The following AGTPBP1 variants were observed in gnomAD, a reference collection of about 807,000 sequenced individuals.
The protein encoded by AGTPBP1 is cytosolic carboxypeptidase 1.
Under a neutral mutation model 143.9 loss-of-function variants are expected in AGTPBP1, and 70 were observed. The ratio of observed to expected loss-of-function variants is 0.49; its 90% confidence interval spans 0.40 to 0.59. AGTPBP1 has a LOEUF of 0.59. AGTPBP1 is among the 20% of genes least tolerant of loss of function. The pLI is 0.00. For missense variants in AGTPBP1, 1,229 were observed against 1,464.5 expected, an observed-to-expected ratio of 0.84 and a Z score of 2.62; for synonymous variants, 463 against 500.2, an observed-to-expected ratio of 0.93 and a Z score of 0.99.
intron 8 of AGTPBP1, among the ~76,000 whole-genome samples, chr9:85,668,821 A>T (rs990692441): frequency 1.3e-5 from 2 of 151,590 alleles, no homozygotes; most frequent in African/African-American, 4.8e-5. Context: ...TGTATGTTTT[A>T]AAAATTCCAC....
chr9:85,664,849 G>A (rs573125442), intron 8 of AGTPBP1, among the ~76,000 whole-genome samples: 13 of 152,104 alleles, frequency 8.5e-5, no homozygotes, highest in Non-Finnish European at 1.9e-4. Context: ...ACCATTCAAT[G>A]CAATATGTTT....
intron 23 of AGTPBP1, among the ~76,000 whole-genome samples, chr9:85,583,030 C>T (rs967088192): frequency 1.3e-5 from 2 of 151,898 alleles, no homozygotes; most frequent in Non-Finnish European, 2.9e-5. Context: ...GGGAAGGCAG[C>T]GGAAGGAGAG....
chr9:85,699,098 AAC>A (rs1209659363), intron 2 of AGTPBP1, among the ~76,000 whole-genome samples: 5 of 152,294 alleles, frequency 3.3e-5, no homozygotes, highest in African/African-American at 1.2e-4. Flanking sequence ...ATCAATGTGT[AAC>A]ACATCAAATC....
At chr9:85,716,965 G>C (rs1837745483) in intron 1 of AGTPBP1, among the ~76,000 whole-genome samples, 1 of 152,140 alleles carries the variant, frequency 6.6e-6, no homozygotes, top group African/African-American at 2.4e-5. Flanking sequence ...AACATGCCAG[G>C]CTCTCACTTT....
intron 3 of AGTPBP1, among the ~76,000 whole-genome samples, chr9:85,690,559 A>AGG (rs1835797350): frequency 6.6e-6 from 1 of 150,866 alleles, no homozygotes; most frequent in East Asian, 2.0e-4. Context: ...TGGTGGAAAG[A>AGG]GGGTCATTCT....
At chr9:85,721,798 G>A (rs547818584) in intron 1 of AGTPBP1, among the ~76,000 whole-genome samples, 145 of 152,316 alleles carry the variant, frequency 9.5e-4, no homozygotes, top group African/African-American at 3.3e-3. Flanking sequence ...TGTTTTTGCA[G>A]TGGCTGGTAC....
intron 14 of AGTPBP1, among the ~76,000 whole-genome samples, chr9:85,631,326 C>T (rs1446680784): frequency 6.6e-6 from 1 of 152,242 alleles, no homozygotes; most frequent in Non-Finnish European, 1.5e-5. Context: ...ATTCTTTCTA[C>T]AGAATTATGG....
At chr9:85,667,768 A>G (rs1266266053) in intron 8 of AGTPBP1, among the ~76,000 whole-genome samples, 1 of 152,164 alleles carries the variant, frequency 6.6e-6, no homozygotes, top group African/African-American at 2.4e-5. Context: ...TAAAAGACCT[A>G]TCACTGAAGA....
intron 6 of AGTPBP1, among the ~76,000 whole-genome samples, chr9:85,674,981 C>T (rs1003065301): frequency 3.3e-5 from 5 of 152,056 alleles, no homozygotes; most frequent in Admixed American, 2.0e-4. Flanking sequence ...ACTGCAACCT[C>T]CACCACCCAG....
intron 25 of AGTPBP1, among the ~76,000 whole-genome samples, chr9:85,564,701 T>C (rs2132895280): frequency 6.6e-6 from 1 of 152,352 alleles, no homozygotes; most frequent in South Asian, 2.1e-4. Flanking sequence ...TAATGGGCTA[T>C]ACCATCTAGG....
chr9:85,703,331 T>C (rs1836790989), intron 2 of AGTPBP1, among the ~76,000 whole-genome samples: 1 of 152,186 alleles, frequency 6.6e-6, no homozygotes, highest in Non-Finnish European at 1.5e-5. Flanking sequence ...CTGGCTCTTG[T>C]GAAGTGAATG....
chr9:85,719,829 C>T (rs1414009023), intron 1 of AGTPBP1, among the ~76,000 whole-genome samples: 15 of 152,178 alleles, frequency 9.9e-5, no homozygotes, highest in Admixed American at 6.5e-5. Context: ...TTTTGAGATA[C>T]ATTCCATCAA....
intron 3 of AGTPBP1, among the ~76,000 whole-genome samples, chr9:85,683,100 T>C (rs538825561): frequency 6.6e-6 from 1 of 152,322 alleles, no homozygotes; most frequent in South Asian, 2.1e-4. Flanking sequence ...CCGTAAGTGA[T>C]ATGAAGACCT....
At chr9:85,641,869 T>C (rs569742296) in intron 13 of AGTPBP1, among the ~76,000 whole-genome samples, 1 of 152,094 alleles carries the variant, frequency 6.6e-6, no homozygotes, top group East Asian at 1.9e-4. Context: ...CGGCTAATTT[T>C]CTTATTTTTA....
At chr9:85,628,660 A>T (rs1471457565) in intron 14 of AGTPBP1, among the ~76,000 whole-genome samples, 2 of 152,128 alleles carry the variant, frequency 1.3e-5, no homozygotes, top group Non-Finnish European at 2.9e-5. Flanking sequence ...TCTCATCGCA[A>T]ATTTTCTAGG....
chr9:85,696,755 C>T (rs115933376), intron 2 of AGTPBP1, among the ~76,000 whole-genome samples: 2,573 of 152,042 alleles, frequency 0.017, 37 homozygotes, highest in Middle Eastern at 0.038. Context: ...CATGGTGTTA[C>T]AAAATCAGAT....
chr9:85,584,190 G>A (rs145452535), intron 23 of AGTPBP1, among the ~76,000 whole-genome samples: 1 of 151,910 alleles, frequency 6.6e-6, no homozygotes, highest in Non-Finnish European at 1.5e-5. Context: ...ATATCACTGA[G>A]CTCTACTAAT....
intron 17 of AGTPBP1, among the ~76,000 whole-genome samples, chr9:85,605,427 A>G (rs1203655528): frequency 1.3e-5 from 2 of 152,074 alleles, no homozygotes; most frequent in Non-Finnish European, 2.9e-5. Flanking sequence ...AGAAATAAAG[A>G]CTTCCCCAGA....
At chr9:85,604,089 C>T (rs897249913) in intron 17 of AGTPBP1, among the ~76,000 whole-genome samples, 1 of 151,910 alleles carries the variant, frequency 6.6e-6, no homozygotes, top group Non-Finnish European at 1.5e-5. Flanking sequence ...GACACAAGCC[C>T]GGCTGGAAAG....
Sources: allele counts gnomAD v4.1 joint callset (sites outside exome capture counted in the v4.1 genomes callset), GRCh38; gene constraint gnomAD v4.1.1; transcripts MANE v1.5; gene names NCBI Gene and HGNC (gene_info 2026-07-23, HGNC 2026-07-21).